Variants in ESRRG observed in about 807,000 individuals in gnomAD.
The protein encoded by ESRRG is estrogen related receptor gamma.
A neutral mutation model predicts 44.0 loss-of-function variants in ESRRG; 13 were observed. The observed-to-expected ratio is 0.30, with a 90% CI of 0.19 to 0.47. The LOEUF (loss-of-function observed/expected upper bound fraction) is 0.47, where lower values mean the gene tolerates loss of function less well. Ranked by LOEUF, ESRRG falls within the 20% of genes least tolerant of loss-of-function variation. The pLI, the probability that ESRRG is intolerant of heterozygous loss-of-function variation, is 1.00. For missense variants in ESRRG, 395 were observed against 580.6 expected (o/e 0.68, Z 3.29); for synonymous variants, 215 against 214.6 (o/e 1.00, Z -0.02).
At chr1:216,976,040 C>T (rs2150341521) in intron 1 of ESRRG, among the ~76,000 whole-genome samples, 1 of 152,228 alleles carries the variant, frequency 6.6e-6, no homozygotes, top group Non-Finnish European at 1.5e-5. Context: ...CTGAAGTTTC[C>T]TTCAGAGCAG....
intron 2 of ESRRG, among the ~76,000 whole-genome samples, chr1:216,876,975 A>AGTGT (rs1309383524): frequency 1.1e-5 from 1 of 94,202 alleles, no homozygotes; most frequent in Admixed American, 1.3e-4. Flanking sequence ...TCTCTTCACT[A>AGTGT]ATGTGTGTGT....
chr1:216,617,888 T>C (rs888293145), intron 3 of ESRRG, among the ~76,000 whole-genome samples: 8 of 152,192 alleles, frequency 5.3e-5, no homozygotes, highest in South Asian at 2.1e-4. Context: ...ACCCAAACCA[T>C]TGGATGTCAG....
chr1:216,997,973 AT>A lies in ESRRG; in HGVS notation c.-105-58301del, dbSNP rs946105492. On this transcript the variant is annotated intron_variant, in intron 1 of 7. Transcript: ENST00000359162. ...ATAACTCTTTCACCCATGCTCAGGA[AT>A]TTTTTTTCTTCCCTTTTTTAACTGT... Among the ~76,000 whole-genome samples the A allele has an allele frequency of 4.6e-5, 7 of 152,088 alleles. No homozygotes were observed. The South Asian group carries it at 8.3e-4, about 18-fold the overall frequency.
rs570073614 is a variant in ESRRG at position 216,771,821 on chromosome 1, T to G, written c.-13-94330A>C. 4.0e-5 allele frequency among the ~76,000 whole-genome samples: 6 copies of G among 150,478 alleles called. No homozygotes were observed. The East Asian group carries it at 5.8e-4, about 15-fold the overall frequency. Reference sequence around the variant, plus strand: ...TTTATTTTTAAGTTTGTGGTGTTTTTTTTTTTTTTTTTTGAAAGACATAGC... The same window carrying G: ...TTTATTTTTAAGTTTGTGGTGTTTTGTTTTTTTTTTTTTGAAAGACATAGC... On this transcript the variant is annotated intron_variant, in intron 2 of 7. Coordinates refer to the ESRRG transcript ENST00000359162.
intron 1 of ESRRG, among the ~76,000 whole-genome samples, chr1:216,702,535 G>T (rs1225945886): frequency 1.3e-5 from 2 of 151,628 alleles, no homozygotes; most frequent in African/African-American, 2.4e-5. Flanking sequence ...GGCCGAGATG[G>T]GTGGATCACT....
chr1:216,640,942 C>A (rs2066295339), intron 3 of ESRRG, among the ~76,000 whole-genome samples: 1 of 152,150 alleles, frequency 6.6e-6, no homozygotes, highest in Non-Finnish European at 1.5e-5. Flanking sequence ...AGTGCCTGAG[C>A]AAATGTTCAA....
intron 1 of ESRRG, among the ~76,000 whole-genome samples, chr1:217,053,471 AAGAAAG>A (rs2086499150): frequency 6.7e-6 from 1 of 148,980 alleles, no homozygotes; most frequent in Non-Finnish European, 1.5e-5. Context: ...AAAAAAAAGA[AAGAAAG>A]AAAGAAAGAA....
At chr1:217,071,871 C>G (rs1393393) in intron 1 of ESRRG, among the ~76,000 whole-genome samples, 48,977 of 151,968 alleles carry the variant, frequency 0.32, 8,381 homozygotes, top group East Asian at 0.68. Flanking sequence ...ATCGCAGATA[C>G]ATGAGCCAGA....
At chr1:216,749,329 A>C (rs530917732) in intron 2 of ESRRG, among the ~76,000 whole-genome samples, 1 of 152,192 alleles carries the variant, frequency 6.6e-6, no homozygotes, top group East Asian at 1.9e-4. Flanking sequence ...CACCTGTTAA[A>C]GCTGCTTCTG....
chr1:216,609,902 A>G (rs903207978), intron 3 of ESRRG, among the ~76,000 whole-genome samples: 3 of 152,164 alleles, frequency 2.0e-5, no homozygotes, highest in African/African-American at 7.2e-5. Context: ...GCACGTTTCA[A>G]TATTATTTAA....
At chr1:216,677,558 G>A in intron 1 of ESRRG, 67 bp from the exon 2 acceptor site, 3 of 1,338,658 alleles carry the variant, frequency 2.2e-6, no homozygotes, top group Admixed American at 2.6e-5. Flanking sequence ...GACCAAAAGA[G>A]GTAGAAACAA....
At chr1:216,797,879 T>A (rs1211838092) in intron 2 of ESRRG, among the ~76,000 whole-genome samples, 1 of 152,132 alleles carries the variant, frequency 6.6e-6, no homozygotes, top group Non-Finnish European at 1.5e-5. Context: ...GAAGTATAGC[T>A]CACACTTAGG....
rs1559158768 is a variant in ESRRG, at chr1:216,676,171, A to AT, written c.472+904dup. On this transcript the variant is annotated intron_variant, in intron 2 of 6. Transcript: ENST00000408911. ...AAGAGACCTAAAAACGTGAAATCTAATTTTTTTGCCAGAATATATATCTAT... is the reference window on the plus strand; with the variant it reads ...AAGAGACCTAAAAACGTGAAATCTAATTTTTTTTGCCAGAATATATATCTAT... Among the ~76,000 whole-genome samples the AT allele has an allele frequency of 2.6e-5, 4 of 152,102 alleles. No homozygotes were observed. The South Asian group carries it at 6.2e-4, about 24-fold the overall frequency.
At chr1:216,519,122 A>G in intron 6 of ESRRG, 30 bp downstream of exon 6, 2 of 1,597,002 alleles carry the variant, frequency 1.3e-6, no homozygotes, top group East Asian at 4.5e-5. Flanking sequence ...ATTAAAAAAA[A>G]TGTAACAATG....
chr1:216,579,855 A>G (rs1329721088), intron 3 of ESRRG, among the ~76,000 whole-genome samples: 1 of 152,158 alleles, frequency 6.6e-6, no homozygotes, highest in Non-Finnish European at 1.5e-5. Context: ...AGAATTCCCC[A>G]TGAAAATTTC....
intron 2 of ESRRG, among the ~76,000 whole-genome samples, chr1:216,815,828 G>GC (rs1453779176): frequency 1.3e-5 from 2 of 152,046 alleles, no homozygotes; most frequent in South Asian, 2.1e-4. Context: ...ACTATTCCCC[G>GC]CCCCCAGCTC....
At chr1:217,026,908 C>CAGAGAGAGAGAGAGAGAG (rs1254896528) in intron 1 of ESRRG, among the ~76,000 whole-genome samples, 101 of 90,770 alleles carry the variant, frequency 1.1e-3, no homozygotes, top group African/African-American at 3.2e-3. Context: ...CACACACACA[C>CAGAGAGAGAGAGAGAGAG]ACACAGAGAG....
At chr1:216,888,038 T>C (rs1412261594) in intron 2 of ESRRG, among the ~76,000 whole-genome samples, 2 of 152,106 alleles carry the variant, frequency 1.3e-5, no homozygotes, top group African/African-American at 2.4e-5. Context: ...ACAACTAATT[T>C]TGTCTTCTAA....
chr1:217,007,175 A>C (rs1440623843), intron 1 of ESRRG, among the ~76,000 whole-genome samples: 1 of 152,156 alleles, frequency 6.6e-6, no homozygotes, highest in Non-Finnish European at 1.5e-5. Flanking sequence ...ATACATGTAC[A>C]TACAGCATTC....
Sources: allele counts gnomAD v4.1 joint callset (sites outside exome capture counted in the v4.1 genomes callset), GRCh38; gene constraint gnomAD v4.1.1; transcripts MANE v1.5; gene names NCBI Gene and HGNC (gene_info 2026-07-23, HGNC 2026-07-21).